The following MTIF3 variants were observed in gnomAD, a reference collection of about 807,000 sequenced individuals.
MTIF3 encodes translation initiation factor IF-3, mitochondrial.
A neutral mutation model predicts 20.7 loss-of-function variants in MTIF3; 13 were observed. The ratio of observed to expected loss-of-function variants is 0.63; its 90% CI spans 0.41 to 1.00. MTIF3 has a LOEUF of 1.00. Among genes scored for constraint, MTIF3 ranks in the 50% least tolerant of loss-of-function variants. MTIF3 has a pLI of 0.00. For missense variants in MTIF3, 295 were observed against 324.5 expected (o/e 0.91, Z 0.70); for synonymous variants, 114 against 112.5 (o/e 1.01, Z -0.08).
rs186132865 is a variant in MTIF3, at chr13:27,441,806, A to G, written c.-1-1357T>C. ...GAAGGTGTCTTCAGGGTGCTTCTCA[A>G]AGAATGGTCCCAGAATCTCCTGGGG... On this transcript the variant is annotated intron_variant, in intron 2 of 4. Transcript: ENST00000381120. 2.0e-5 allele frequency among the ~76,000 whole-genome samples: 3 copies of G among 152,332 alleles called. No individual in the cohort carries two copies. In the East Asian group the frequency reaches 5.8e-4, roughly 29 times the overall value.
At chr13:27,448,483 G>T (rs1445463474) in intron 1 of MTIF3, among the ~76,000 whole-genome samples, 2 of 152,122 alleles carry the variant, frequency 1.3e-5, no homozygotes, top group Non-Finnish European at 2.9e-5. Flanking sequence ...CTTAATCCCA[G>T]AGGGCCTGCG....
rs1288518462 is a variant in MTIF3 at position 27,435,863 on chromosome 13, T to C, written c.649A>G (p.Met217Val). The change falls in exon 5 of 5, where the codon ATG becomes GTG. Residue 217 changes from methionine (M) to valine (V), a missense_variant. Transcript: ENST00000381120. ...EEIFHQILQT[M>V]PGIATFSSRP... The stretch of plus-strand genomic sequence containing the variant: ...GATGAGAATGTAGCTATTCCAGGCA[T>C]AGTCTGGAGTATTTGATGAAATATC... 6.2e-7 allele frequency: 1 copy of C among 1,612,820 alleles called. No homozygotes were observed. Among genetic ancestry groups the C allele is most frequent in the Non-Finnish European group, 8.5e-7 (1 of 1,179,224 alleles).
At chr13:27,439,199 G>C (rs540553443) in intron 3 of MTIF3, among the ~76,000 whole-genome samples, 3 of 152,262 alleles carry the variant, frequency 2.0e-5, no homozygotes, top group Admixed American at 6.5e-5. Flanking sequence ...CTTCAGAGTC[G>C]AAAAGGTGCT....
rs565076674 is a variant in MTIF3 at position 27,446,170 on chromosome 13, C to A, written c.-70-1014G>T. Among the ~76,000 whole-genome samples, 4 of 152,218 alleles carry A rather than the reference C, an allele frequency of 2.6e-5. No individual in the cohort carries two copies. The East Asian group carries it at 7.7e-4, about 29-fold the overall frequency. ...CTCCCAGGTTCAAGTGATTCTCCTG[C>A]TTCAGCCTCCCAAGTAGCCGGGATT... On this transcript the variant is annotated intron_variant, in intron 1 of 4. Coordinates refer to ENST00000381120, the MANE Select transcript of MTIF3 (RefSeq NM_152912.5).
At chr13:27,446,106 G>C (rs1954174508) in intron 1 of MTIF3, among the ~76,000 whole-genome samples, 1 of 151,998 alleles carries the variant, frequency 6.6e-6, no homozygotes, top group Non-Finnish European at 1.5e-5. Flanking sequence ...ACCCAGACTG[G>C]AGTGCAGTGG....
At chr13:27,438,494 T>TTTG (rs1953875824) in intron 3 of MTIF3, among the ~76,000 whole-genome samples, 1 of 142,556 alleles carries the variant, frequency 7.0e-6, no homozygotes, top group East Asian at 2.0e-4. Context: ...TTTTTTTTTT[T>TTTG]TTTTTTTTTT....
intron 1 of MTIF3, among the ~76,000 whole-genome samples, chr13:27,448,284 T>C (rs1244147695): frequency 6.6e-6 from 1 of 152,252 alleles, no homozygotes; most frequent in Non-Finnish European, 1.5e-5. Context: ...CTCATACTGT[T>C]ATCTGTTCTT....
intron 1 of MTIF3, among the ~76,000 whole-genome samples, chr13:27,448,370 T>C (rs1023536799): frequency 6.6e-6 from 1 of 152,234 alleles, no homozygotes; most frequent in Non-Finnish European, 1.5e-5. Context: ...CCAATTCTCA[T>C]GACTCTAAGA....
intron 2 of MTIF3, among the ~76,000 whole-genome samples, chr13:27,440,737 T>C (rs556472981): frequency 1.3e-5 from 2 of 151,840 alleles, no homozygotes; most frequent in East Asian, 1.9e-4. Context: ...TTTTTTTTTT[T>C]CTGTACACAT....
At chr13:27,449,763 T>A (rs1954298621) in intron 1 of MTIF3, 2 of 152,378 alleles carry the variant, frequency 1.3e-5, no homozygotes, top group South Asian at 4.1e-4. Context: ...GTTACTGTGT[T>A]GTGCCTGACA....
At chr13:27,447,425 C>A (rs1340230753) in intron 1 of MTIF3, among the ~76,000 whole-genome samples, 1 of 152,112 alleles carries the variant, frequency 6.6e-6, no homozygotes, top group Admixed American at 6.6e-5. Context: ...CAAACGCTTA[C>A]GTTCTTATGA....
At chr13:27,449,741 A>G (rs1954297816) in intron 1 of MTIF3, 2 of 152,240 alleles carry the variant, frequency 1.3e-5, no homozygotes, top group African/African-American at 4.8e-5. Context: ...CAGGAACAAA[A>G]TGGACTTATT....
intron 3 of MTIF3, among the ~76,000 whole-genome samples, chr13:27,437,614 G>C (rs901770456): frequency 1.3e-5 from 2 of 152,140 alleles, no homozygotes; most frequent in Non-Finnish European, 2.9e-5. Context: ...TGGCATCTGG[G>C]AGTGCACTAC....
intron 2 of MTIF3, among the ~76,000 whole-genome samples, chr13:27,443,797 T>G (rs972011271): frequency 6.6e-6 from 1 of 152,052 alleles, no homozygotes; most frequent in South Asian, 2.1e-4. Flanking sequence ...TGAAAAAAAT[T>G]TATAAAAATG....
chr13:27,450,249 A>G (rs1445813615), intron 1 of MTIF3: 1 of 152,332 alleles, frequency 6.6e-6, no homozygotes, highest in East Asian at 1.9e-4. Flanking sequence ...CGGAACTAGA[A>G]AAGCTCAGTG....
chr13:27,441,388 G>A (rs1049055410), intron 2 of MTIF3: 2 of 152,328 alleles, frequency 1.3e-5, no homozygotes, highest in Admixed American at 1.3e-4. Context: ...CTATGGGAAA[G>A]GGACCTCTCC....
chr13:27,439,965 G>A, intron 3 of MTIF3, 24 bp downstream of exon 3: 6 of 1,601,362 alleles, frequency 3.7e-6, no homozygotes, highest in Non-Finnish European at 5.1e-6. Context: ...AAAGGATTCA[G>A]GGAGCCAACA....
At chr13:27,441,755 C>T (rs954264267) in intron 2 of MTIF3, among the ~76,000 whole-genome samples, 5 of 152,148 alleles carry the variant, frequency 3.3e-5, no homozygotes, top group Admixed American at 6.5e-5. Flanking sequence ...AGAGGTGTGA[C>T]TTGTCAAAGA....
intron 2 of MTIF3, among the ~76,000 whole-genome samples, chr13:27,443,471 T>C (rs958783987): frequency 2.0e-5 from 3 of 152,244 alleles, no homozygotes; most frequent in Non-Finnish European, 2.9e-5. Flanking sequence ...CTCTATAAAC[T>C]TTATGTCTAA....
Sources: allele counts gnomAD v4.1 joint callset (sites outside exome capture counted in the v4.1 genomes callset), GRCh38; gene constraint gnomAD v4.1.1; transcripts MANE v1.5; gene names NCBI Gene and HGNC (gene_info 2026-07-23, HGNC 2026-07-21).